RALYL: variants seen among roughly 807,000 people sequenced by gnomAD.
RALYL encodes RNA-binding Raly-like protein.
RALYL carries 29 observed loss-of-function variants against 35.1 expected under a neutral mutation model. That is an observed-to-expected ratio of 0.83 (90% confidence interval 0.61 to 1.13). RALYL has a LOEUF of 1.13. RALYL is among the 50% of genes most tolerant of loss of function. The pLI, the probability that RALYL is intolerant of heterozygous loss-of-function variation, is 0.00. For missense variants in RALYL, 359 were observed against 360.4 expected, an observed-to-expected ratio of 1.00 and a Z score of 0.03; for synonymous variants, 120 against 127.6, an observed-to-expected ratio of 0.94 and a Z score of 0.40.
At chr8:84,413,108 A>ATGCT (rs199523171) in intron 1 of RALYL, among the ~76,000 whole-genome samples, 2 of 150,234 alleles carry the variant, frequency 1.3e-5, no homozygotes, top group African/African-American at 4.8e-5. Context: ...TACTAATTAA[A>ATGCT]AACTATATAA....
intron 1 of RALYL, among the ~76,000 whole-genome samples, chr8:84,329,248 C>A (rs529699316): frequency 6.6e-6 from 1 of 152,250 alleles, no homozygotes; most frequent in African/African-American, 2.4e-5. Flanking sequence ...TTCTTTTTCT[C>A]CACAGCCTCG....
At chr8:84,461,527 A>G (rs1045378169) in intron 1 of RALYL, among the ~76,000 whole-genome samples, 6 of 151,720 alleles carry the variant, frequency 4.0e-5, no homozygotes, top group Admixed American at 3.3e-4. Flanking sequence ...CTCTAAGTAC[A>G]GTGTCTGCAA....
intron 1 of RALYL, among the ~76,000 whole-genome samples, chr8:84,382,507 A>T (rs998002825): frequency 3.3e-5 from 5 of 151,778 alleles, no homozygotes; most frequent in Non-Finnish European, 7.4e-5. Flanking sequence ...ACTAAAATTA[A>T]CATAATTTAT....
chr8:84,816,918 T>C (rs1827444061), intron 4 of RALYL, among the ~76,000 whole-genome samples: 1 of 151,918 alleles, frequency 6.6e-6, no homozygotes, highest in South Asian at 2.1e-4. Flanking sequence ...AAAGTTAACA[T>C]TAGAAAATTT....
chr8:84,569,834 C>G (rs1807488572), intron 2 of RALYL, among the ~76,000 whole-genome samples: 1 of 151,630 alleles, frequency 6.6e-6, no homozygotes, highest in African/African-American at 2.4e-5. Flanking sequence ...CACTATTTAT[C>G]AAGTAAGTTG....
At chr8:84,486,929 AT>A (rs1356002178) in intron 1 of RALYL, among the ~76,000 whole-genome samples, 1 of 152,054 alleles carries the variant, frequency 6.6e-6, no homozygotes, top group Non-Finnish European at 1.5e-5. Context: ...GAATCGATTC[AT>A]CTTGTATCAT....
At chr8:84,736,139 ATAT>A (rs1282858116) in intron 2 of RALYL, among the ~76,000 whole-genome samples, 1 of 152,126 alleles carries the variant, frequency 6.6e-6, no homozygotes, top group Non-Finnish European at 1.5e-5. Context: ...AATAAGAAAA[ATAT>A]TATATCTAAG....
intron 1 of RALYL, among the ~76,000 whole-genome samples, chr8:84,520,428 T>G (rs2058373310): frequency 6.6e-6 from 1 of 152,238 alleles, no homozygotes; most frequent in Non-Finnish European, 1.5e-5. Flanking sequence ...ATGATCTTAC[T>G]TCTTTAAGTC....
At chr8:84,619,174 G>T (rs979864450) in intron 2 of RALYL, among the ~76,000 whole-genome samples, 1 of 151,608 alleles carries the variant, frequency 6.6e-6, no homozygotes, top group Non-Finnish European at 1.5e-5. Flanking sequence ...TCATTGATCT[G>T]TCTAATGTTG....
intron 4 of RALYL, among the ~76,000 whole-genome samples, chr8:84,844,589 T>C (rs1460573062): frequency 6.6e-6 from 1 of 152,114 alleles, no homozygotes; most frequent in Non-Finnish European, 1.5e-5. Context: ...GAACTAGAAA[T>C]ACCATTTGAC....
At chr8:84,733,488 A>T (rs921729492) in intron 2 of RALYL, among the ~76,000 whole-genome samples, 2 of 152,192 alleles carry the variant, frequency 1.3e-5, no homozygotes, top group Non-Finnish European at 2.9e-5. Context: ...ACAATGGAAA[A>T]GTAAATAATA....
intron 2 of RALYL, among the ~76,000 whole-genome samples, chr8:84,682,907 T>G (rs1323599160): frequency 1.3e-5 from 2 of 152,188 alleles, no homozygotes; most frequent in East Asian, 3.9e-4. Context: ...TTGCTCTTGC[T>G]TCTCTAGTTC....
chr8:84,550,654 A>G (rs1467288515), intron 2 of RALYL, among the ~76,000 whole-genome samples: 3 of 151,712 alleles, frequency 2.0e-5, no homozygotes, highest in African/African-American at 7.2e-5. Flanking sequence ...CTTATATTAT[A>G]ACAGAAATAT....
At chr8:84,749,248 A>C (rs1809367858) in intron 2 of RALYL, among the ~76,000 whole-genome samples, 1 of 152,178 alleles carries the variant, frequency 6.6e-6, no homozygotes, top group African/African-American at 2.4e-5. Flanking sequence ...GTTATTGTTG[A>C]AACCTTTTCA....
chr8:84,702,153 T>TAA (rs1389017415), intron 2 of RALYL, among the ~76,000 whole-genome samples: 2 of 152,176 alleles, frequency 1.3e-5, no homozygotes, highest in Non-Finnish European at 2.9e-5. Flanking sequence ...CCTCAGCACC[T>TAA]AATGAACATT....
chr8:84,369,333 T>TTTAA (rs1004497088), intron 1 of RALYL, among the ~76,000 whole-genome samples: 2 of 151,574 alleles, frequency 1.3e-5, no homozygotes, highest in African/African-American at 4.9e-5. Context: ...TATTTATTTA[T>TTTAA]TTAACTTGAT....
chr8:84,848,311 C>A (rs931446499), intron 4 of RALYL, among the ~76,000 whole-genome samples: 1 of 151,552 alleles, frequency 6.6e-6, no homozygotes, highest in Non-Finnish European at 1.5e-5. Flanking sequence ...ACATATATAT[C>A]TATAGGGGTG....
intron 2 of RALYL, among the ~76,000 whole-genome samples, chr8:84,683,335 A>G (rs1287840850): frequency 6.6e-6 from 1 of 151,800 alleles, no homozygotes; most frequent in Non-Finnish European, 1.5e-5. Context: ...TGGGGTGGAG[A>G]GTTCTGTAGA....
intron 1 of RALYL, among the ~76,000 whole-genome samples, chr8:84,301,029 T>G (rs1430152480): frequency 6.6e-6 from 1 of 152,036 alleles, no homozygotes; most frequent in African/African-American, 2.4e-5. Flanking sequence ...AATGGCCTGT[T>G]TCTATATTTA....
Sources: allele counts gnomAD v4.1 joint callset (sites outside exome capture counted in the v4.1 genomes callset), GRCh38; gene constraint gnomAD v4.1.1; transcripts MANE v1.5; gene names NCBI Gene and HGNC (gene_info 2026-07-23, HGNC 2026-07-21).